The following ZKSCAN5 variants were observed in gnomAD, a reference collection of about 807,000 sequenced individuals.
The protein encoded by ZKSCAN5 is zinc finger with KRAB and SCAN domains 5.
ZKSCAN5 carries 28 observed loss-of-function variants against 60.0 expected under a neutral mutation model. The ratio of observed to expected loss-of-function variants is 0.47; its 90% CI spans 0.35 to 0.64. ZKSCAN5 has a LOEUF of 0.64. Ranked by LOEUF, ZKSCAN5 falls within the 30% of genes least tolerant of loss-of-function variation. The pLI, the probability that ZKSCAN5 is intolerant of heterozygous loss-of-function variation, is 0.01. For missense variants in ZKSCAN5, 881 were observed against 1,034.6 expected (o/e 0.85, Z 2.04); for synonymous variants, 361 against 371.2 (o/e 0.97, Z 0.31).
intron 5 of ZKSCAN5, among the ~76,000 whole-genome samples, chr7:99,520,670 T>C (rs1801496615): frequency 6.6e-6 from 1 of 152,096 alleles, no homozygotes; most frequent in African/African-American, 2.4e-5. Flanking sequence ...CTTTGGACTT[T>C]AACAAATTTT....
At chr7:99,509,598 C>T (rs112921584) in intron 2 of ZKSCAN5, among the ~76,000 whole-genome samples, 16 of 151,740 alleles carry the variant, frequency 1.1e-4, no homozygotes, top group African/African-American at 3.6e-4. Flanking sequence ...TCCCAAGTAG[C>T]TGGGACTACA....
At chr7:99,506,536 C>T in intron 2 of ZKSCAN5, 78 bp downstream of exon 2, 1 of 1,475,048 alleles carries the variant, frequency 6.8e-7, no homozygotes. Context: ...ATTCTTAGTC[C>T]TCTGCTGCTT....
Position 99,514,982 on chromosome 7 carries a change from A to T in ZKSCAN5, c.553+2391A>T, listed in dbSNP as rs368720673. Among the ~76,000 whole-genome samples, 49 of 151,824 alleles carry T rather than the reference A, an allele frequency of 3.2e-4. No individual in the cohort carries two copies. The East Asian group carries it at 8.3e-3, about 26-fold the overall frequency. On this transcript the variant is annotated intron_variant, in intron 3 of 6. Transcript: ENST00000326775. ...GTGGTCCCGGCTATACCAGAGGCTGAGGTGGGAGATTGCTCGAGCCCAGGA... is the reference window on the plus strand; with the variant it reads ...GTGGTCCCGGCTATACCAGAGGCTGTGGTGGGAGATTGCTCGAGCCCAGGA...
chr7:99,526,554 GT>G, intron 6 of ZKSCAN5, 136 bp downstream of exon 6: 1 of 1,405,910 alleles, frequency 7.1e-7, no homozygotes, highest in South Asian at 1.4e-5. Flanking sequence ...CGTTTATTTG[GT>G]TCTTATGTAT....
chr7:99,525,537 G>GT (rs559603579), intron 5 of ZKSCAN5, among the ~76,000 whole-genome samples: 34 of 152,128 alleles, frequency 2.2e-4, no homozygotes, highest in African/African-American at 8.2e-4. Flanking sequence ...CATGATACAG[G>GT]TATTTGTAAG....
intron 4 of ZKSCAN5, 89 bp from the exon 5 acceptor site, chr7:99,520,080 C>A (rs762320956): frequency 1.3e-4 from 209 of 1,551,378 alleles, no homozygotes; most frequent in Non-Finnish European, 1.8e-4. Flanking sequence ...GTTCCTCCCC[C>A]TGTTTCTTTT....
chr7:99,507,899 C>T lies in ZKSCAN5; in HGVS notation c.414+1441C>T, dbSNP rs548266596. On this transcript the variant is annotated intron_variant, in intron 2 of 6. Transcript: ENST00000326775. The stretch of plus-strand genomic sequence containing the variant: ...CCAGCCTGTGTGACAGAGGCATACC[C>T]TATTTCAAAAAAAAGTAAAAAGTTA... Among the ~76,000 whole-genome samples, 98 of 151,270 alleles carry T rather than the reference C, an allele frequency of 6.5e-4. No homozygotes were observed. The East Asian group carries it at 0.017, about 26-fold the overall frequency.
intron 6 of ZKSCAN5, among the ~76,000 whole-genome samples, chr7:99,528,703 C>T (rs1339515342): frequency 1.3e-5 from 2 of 152,148 alleles, no homozygotes; most frequent in African/African-American, 4.8e-5. Context: ...CTAGGAGTTA[C>T]AGGTGTGAGC....
In ZKSCAN5 at chr7:99,532,273, C is replaced by G. The variant is rs1055312756; in HGVS notation, c.*24C>G. 3 of 1,529,896 alleles carry G rather than the reference C, an allele frequency of 2.0e-6. No homozygotes were observed. Among genetic ancestry groups the G allele is most frequent in the Non-Finnish European group, 2.6e-6 (3 of 1,144,918 alleles). 94.8% of individuals were successfully genotyped at this position (1,529,896 alleles called of 1,614,324 possible). On this transcript the variant is annotated 3_prime_UTR_variant, in exon 7 of 7. Transcript: ENST00000326775. Reference sequence around the variant, plus strand: ...AGAATAGCTCTTAATTTTAGAGAAACCTTCCTGGAGGGAAACCATACTCCT... The same window carrying G: ...AGAATAGCTCTTAATTTTAGAGAAAGCTTCCTGGAGGGAAACCATACTCCT...
At chr7:99,520,028 T>G in intron 4 of ZKSCAN5, 119 bp downstream of exon 4, 4 of 1,499,714 alleles carry the variant, frequency 2.7e-6, no homozygotes, top group Non-Finnish European at 3.7e-6. Context: ...CTTTGGCCTT[T>G]TTCCTTTCTG....
At position 99,533,786 on chromosome 7, in the gene ZKSCAN5, TC is replaced by T; in HGVS notation, c.*1538del. The stretch of plus-strand genomic sequence containing the variant: ...TCTCTATCCTGTTTCATTCCCTCCC[TC>T]AAAGGCGTTTCCCAAATAAATCACA... On this transcript the variant is annotated 3_prime_UTR_variant, in exon 7 of 7. Transcript: ENST00000326775. 1 of 396,992 alleles carries T rather than the reference TC, an allele frequency of 2.5e-6. No homozygotes were observed. Among genetic ancestry groups the T allele is most frequent in the Non-Finnish European group, 4.4e-6 (1 of 225,650 alleles). The allele number at this position is 396,992 out of a possible 1,614,324, so 24.6% of individuals were successfully genotyped here.
intron 2 of ZKSCAN5, among the ~76,000 whole-genome samples, chr7:99,508,966 C>A (rs144436388): frequency 6.6e-6 from 1 of 151,416 alleles, no homozygotes; most frequent in African/African-American, 2.4e-5. Context: ...GTGCCACTAC[C>A]GCCTGGCTAA....
intron 5 of ZKSCAN5, among the ~76,000 whole-genome samples, chr7:99,520,599 G>T (rs1479408599): frequency 6.6e-6 from 1 of 152,080 alleles, no homozygotes; most frequent in African/African-American, 2.4e-5. Context: ...GGTTGGCTGT[G>T]GTGGCTCACA....
chr7:99,525,444 C>T (rs1394890923), intron 5 of ZKSCAN5, among the ~76,000 whole-genome samples: 2 of 152,122 alleles, frequency 1.3e-5, no homozygotes, highest in African/African-American at 4.8e-5. Context: ...TGCACTCCAG[C>T]CTGGGTGACA....
Position 99,506,116 on chromosome 7 carries a change from C to G in ZKSCAN5, c.72C>G (p.Asp24Glu), listed in dbSNP as rs1254447121. Residue 24 changes from aspartate to glutamate, a missense_variant, in exon 2 of 7, where the codon GAC becomes GAG. This residue lies in a region of ZKSCAN5 where 88 missense variants were observed against 65.2 expected (regional missense o/e 1.35). Coordinates refer to ENST00000326775, the MANE Select transcript of ZKSCAN5 (RefSeq NM_145102.4). The stretch of plus-strand genomic sequence containing the variant: ...CTGAGACTTCCCAGGAGCAGGAAGA[C>G]CTTTTCATAGTGAAGGTGGAAGAAG... The part of the protein sequence containing the change: ...PPAETSQEQE[D>E]LFIVKVEEED... The G allele has an allele frequency of 2.5e-6, 4 of 1,614,148 alleles. No homozygotes were observed. In the South Asian group the frequency reaches 4.4e-5, roughly 18 times the overall value.
rs541149001 is a variant in ZKSCAN5 at position 99,524,724 on chromosome 7, T to C, written c.773-1089T>C. On this transcript the variant is annotated intron_variant, in intron 5 of 6. Transcript: ENST00000326775. ...CAGGATATAGAAAGAATGTCTTTTT[T>C]CTTTTAGATTAATTCATACCAAACT... Among the ~76,000 whole-genome samples, 39 of 152,338 alleles carry C rather than the reference T, an allele frequency of 2.6e-4. 1 individual carries two copies. The South Asian group carries it at 7.9e-3, about 31-fold the overall frequency.
chr7:99,508,103 T>G (rs1800847976), intron 2 of ZKSCAN5, among the ~76,000 whole-genome samples: 1 of 151,336 alleles, frequency 6.6e-6, no homozygotes, highest in Middle Eastern at 3.4e-3. Flanking sequence ...ATCGAGACCA[T>G]CCTGGCCAAC....
intron 3 of ZKSCAN5, among the ~76,000 whole-genome samples, chr7:99,515,970 T>G (rs1335297365): frequency 6.6e-6 from 1 of 151,586 alleles, no homozygotes; most frequent in Non-Finnish European, 1.5e-5. Flanking sequence ...CCTCCTCCCC[T>G]CTTCTGAGCC....
chr7:99,510,916 A>G (rs943107675), intron 2 of ZKSCAN5, among the ~76,000 whole-genome samples: 1 of 151,676 alleles, frequency 6.6e-6, no homozygotes, highest in African/African-American at 2.4e-5. Context: ...GCTAATTTTT[A>G]TATTTTTAGT....
Sources: allele counts gnomAD v4.1 joint callset (sites outside exome capture counted in the v4.1 genomes callset), GRCh38; gene constraint gnomAD v4.1.1; regional missense constraint gnomAD v4.1.1; transcripts MANE v1.5; gene names NCBI Gene and HGNC (gene_info 2026-07-23, HGNC 2026-07-21).